The following TACC2 variants were observed in gnomAD, a reference collection of about 807,000 sequenced individuals.
The protein encoded by TACC2 is transforming acidic coiled-coil-containing protein 2.
In TACC2, 137 loss-of-function variants were observed where a neutral mutation model predicts 227.3. The ratio of observed to expected loss-of-function variants is 0.60; its 90% CI spans 0.52 to 0.69. TACC2 has a LOEUF of 0.69. TACC2 is among the 30% of genes least tolerant of loss of function. The pLI is 0.00. For missense variants in TACC2, 3,470 were observed against 3,694.4 expected, an observed-to-expected ratio of 0.94 and a Z score of 1.57; for synonymous variants, 1,523 against 1,487.5, an observed-to-expected ratio of 1.02 and a Z score of -0.55.
intron 12 of TACC2, 137 bp from the exon 13 acceptor site, chr10:122,226,229 T>C: frequency 1.6e-6 from 1 of 637,244 alleles, no homozygotes; most frequent in East Asian, 2.8e-5. Flanking sequence ...CCTCCTCTCT[T>C]CCTGGTGGCT....
intron 3 of TACC2, among the ~76,000 whole-genome samples, chr10:122,076,202 G>A (rs182303852): frequency 2.6e-4 from 39 of 152,222 alleles, no homozygotes; most frequent in African/African-American, 7.9e-4. Context: ...ATGAGGTGGC[G>A]CAGGACATCA....
At chr10:122,247,697 T>C (rs1254485718) in intron 19 of TACC2, 2 of 152,078 alleles carry the variant, frequency 1.3e-5, no homozygotes, top group Non-Finnish European at 2.9e-5. Flanking sequence ...GAGCTACACA[T>C]TGGGTACACA....
intron 7 of TACC2, among the ~76,000 whole-genome samples, chr10:122,155,064 G>A (rs1253149456): frequency 2.6e-5 from 4 of 152,232 alleles, no homozygotes; most frequent in Non-Finnish European, 4.4e-5. Context: ...CCCCAGGGCA[G>A]TCACAGGTAG....
intron 16 of TACC2, among the ~76,000 whole-genome samples, chr10:122,232,800 T>G (rs1429986612): frequency 1.3e-5 from 2 of 152,212 alleles, no homozygotes; most frequent in Non-Finnish European, 2.9e-5. Flanking sequence ...CATTGGAAAC[T>G]CCTGATGCAT....
At chr10:122,111,086 C>T (rs946466503) in intron 5 of TACC2, among the ~76,000 whole-genome samples, 1 of 152,216 alleles carries the variant, frequency 6.6e-6, no homozygotes, top group African/African-American at 2.4e-5. Flanking sequence ...CTTCCTCCTC[C>T]TTCCAATTAA....
chr10:122,204,288 T>C (rs1204859452), intron 8 of TACC2, among the ~76,000 whole-genome samples: 1 of 152,004 alleles, frequency 6.6e-6, no homozygotes, highest in Non-Finnish European at 1.5e-5. Context: ...TTATAAAGGA[T>C]GAGGAGTGGC....
chr10:122,037,910 T>TTTTGTTTG (rs144221132), intron 2 of TACC2, among the ~76,000 whole-genome samples: 90 of 151,258 alleles, frequency 6.0e-4, no homozygotes, highest in African/African-American at 1.6e-3. Flanking sequence ...TTTTGTTGGT[T>TTTTGTTTG]TTTGTTTGTT....
intron 2 of TACC2, among the ~76,000 whole-genome samples, chr10:122,043,960 G>A (rs77870894): frequency 0.017 from 2,567 of 152,248 alleles, 33 homozygotes; most frequent in Non-Finnish European, 0.026. Context: ...ATGCTTCCCC[G>A]GCTTCTCCTA....
intron 8 of TACC2, among the ~76,000 whole-genome samples, chr10:122,199,919 C>T (rs545216969): frequency 1.4e-4 from 22 of 152,312 alleles, no homozygotes; most frequent in Middle Eastern, 3.4e-3. Flanking sequence ...GGCACTAATC[C>T]ACTCATGAGG....
chr10:122,135,305 TAGGTAATGC>T (rs1339657120), intron 6 of TACC2, among the ~76,000 whole-genome samples: 2 of 152,142 alleles, frequency 1.3e-5, no homozygotes, highest in Non-Finnish European at 2.9e-5. Context: ...GGTAATGCAT[TAGGTAATGC>T]AGCTGTGTTA....
At chr10:122,183,853 CAAG>C (rs2094071049) in intron 7 of TACC2, among the ~76,000 whole-genome samples, 2 of 152,162 alleles carry the variant, frequency 1.3e-5, no homozygotes, top group African/African-American at 4.8e-5. Flanking sequence ...AGCTCTCAGG[CAAG>C]ATGCTGAACC....
intron 5 of TACC2, among the ~76,000 whole-genome samples, chr10:122,098,768 T>C (rs982695037): frequency 1.3e-5 from 2 of 152,256 alleles, no homozygotes; most frequent in African/African-American, 4.8e-5. Context: ...CCTGTGTTTT[T>C]ACACACGGGC....
chr10:122,006,996 G>A (rs1955253477), intron 1 of TACC2, among the ~76,000 whole-genome samples: 1 of 151,566 alleles, frequency 6.6e-6, no homozygotes, highest in Admixed American at 6.6e-5. Context: ...CGAGTAGCTG[G>A]GATTATAGGC....
chr10:122,062,705 C>T (rs962645460), intron 3 of TACC2, among the ~76,000 whole-genome samples: 1 of 152,106 alleles, frequency 6.6e-6, no homozygotes, highest in South Asian at 2.1e-4. Flanking sequence ...CTAGTTAGAA[C>T]AAAAACATCT....
intron 11 of TACC2, among the ~76,000 whole-genome samples, chr10:122,222,537 C>T (rs1241459620): frequency 2.0e-5 from 3 of 152,152 alleles, no homozygotes; most frequent in Admixed American, 6.5e-5. Context: ...ACTTTTGCAC[C>T]GTCAGTTGCT....
intron 16 of TACC2, among the ~76,000 whole-genome samples, chr10:122,233,711 C>T (rs1317559637): frequency 6.6e-6 from 1 of 152,114 alleles, no homozygotes; most frequent in African/African-American, 2.4e-5. Context: ...AGAGGAGTGA[C>T]AAGGACCAGC....
rs764713772 is a variant in TACC2, at chr10:122,087,029, C to G, written c.4529C>G (p.Pro1510Arg). The stretch of plus-strand genomic sequence containing the variant: ...GGGCTGACCTGGGAGCGGAACTTGC[C>G]AGGTGCCGGTGTGGGGAAGGAGATG... Reference protein sequence around the residue: ...PAGLTWERNLPGAGVGKEMAG... With the variant: ...PAGLTWERNLRGAGVGKEMAG... The change falls in exon 4 of 23, where the codon CCA (proline) becomes CGA (arginine). Residue 1510 changes from proline (P) to arginine (R), a missense_variant. Pro to Arg is a moderately radical substitution (Grantham distance 103, BLOSUM62 -2). Transcript: ENST00000369005. The G allele has an allele frequency of 6.2e-7, 1 of 1,613,870 alleles. No individual in the cohort carries two copies. Among genetic ancestry groups the G allele is most frequent in the Middle Eastern group, 1.6e-4 (1 of 6,062 alleles).
intron 4 of TACC2, among the ~76,000 whole-genome samples, chr10:122,088,223 G>A (rs2080303363): frequency 6.6e-6 from 1 of 152,194 alleles, no homozygotes; most frequent in Admixed American, 6.5e-5. Context: ...CACTGGAAAA[G>A]TATCAACTGT....
intron 5 of TACC2, among the ~76,000 whole-genome samples, chr10:122,115,136 A>G (rs1488144149): frequency 6.6e-6 from 1 of 152,196 alleles, no homozygotes; most frequent in Non-Finnish European, 1.5e-5. Flanking sequence ...TGATGCTTTT[A>G]TGGAGACAGA....
Sources: allele counts gnomAD v4.1 joint callset (sites outside exome capture counted in the v4.1 genomes callset), GRCh38; gene constraint gnomAD v4.1.1; transcripts MANE v1.5; gene names NCBI Gene and HGNC (gene_info 2026-07-23, HGNC 2026-07-21).